Variants in SHC4 observed in about 807,000 individuals in gnomAD.
SHC4 encodes SHC adaptor protein 4, also known as SHC-transforming protein 4.
In SHC4, 41 loss-of-function variants were observed where a neutral mutation model predicts 69.4. The observed-to-expected ratio is 0.59, with a 90% CI of 0.46 to 0.77. SHC4 has a LOEUF of 0.77. Among genes scored for constraint, SHC4 ranks in the 30% least tolerant of loss-of-function variants. The probability of loss-of-function intolerance (pLI) is 0.00; values close to 1 mark genes in which losing one functional copy is unlikely to be tolerated. For missense variants in SHC4, 777 were observed against 783.8 expected, an observed-to-expected ratio of 0.99 and a Z score of 0.10; for synonymous variants, 318 against 299.3, an observed-to-expected ratio of 1.06 and a Z score of -0.64.
intron 2 of SHC4, among the ~76,000 whole-genome samples, chr15:48,901,967 C>T (rs934506920): frequency 1.3e-5 from 2 of 151,956 alleles, no homozygotes; most frequent in South Asian, 2.1e-4. Context: ...TTTGGGAGGC[C>T]GAGACAGGCA....
Position 48,857,816 on chromosome 15 carries a change from C to G in SHC4, c.947-1G>C. On this transcript the variant is annotated splice_acceptor_variant, in intron 6 of 11. Transcript: ENST00000332408. LOFTEE classifies it high-confidence loss of function. ...TTGTGGCATTCCAATATGTGACAGG[C>G]TGCAAGAGGACATACAAAAAATAAT... 2.0e-6 allele frequency: 3 copies of G among 1,514,240 alleles called. No homozygotes were observed. Among genetic ancestry groups the G allele is most frequent in the Non-Finnish European group, 2.6e-6 (3 of 1,132,484 alleles). The allele number at this position is 1,514,240 out of a possible 1,614,324, so 93.8% of individuals were successfully genotyped here.
intron 11 of SHC4, among the ~76,000 whole-genome samples, chr15:48,827,818 G>A (rs1344155898): frequency 6.6e-6 from 1 of 152,104 alleles, no homozygotes; most frequent in African/African-American, 2.4e-5. Context: ...CTGGTTTTAT[G>A]ACTTATTTGA....
rs369043971 is a variant in SHC4 at position 48,893,691 on chromosome 15, T to C, written c.657-2880A>G. Among the ~76,000 whole-genome samples the C allele has an allele frequency of 2.1e-4, 32 of 152,346 alleles. 1 individual carries two copies. In the South Asian group the frequency reaches 6.4e-3, roughly 31 times the overall value. ...ACTCATATTAAATTAGGAAAAAAGATACAAAACCCAGTGTTGGAAAAGATG... is the reference window on the plus strand; with the variant it reads ...ACTCATATTAAATTAGGAAAAAAGACACAAAACCCAGTGTTGGAAAAGATG... On this transcript the variant is annotated intron_variant, in intron 2 of 11. Transcript: ENST00000332408.
intron 8 of SHC4, among the ~76,000 whole-genome samples, chr15:48,851,706 C>T (rs138820913): frequency 2.0e-5 from 3 of 152,296 alleles, no homozygotes; most frequent in South Asian, 2.1e-4. Flanking sequence ...CAAAGAACTT[C>T]GATCATCCCT....
At chr15:48,925,252 G>T (rs1900831381) in intron 1 of SHC4, among the ~76,000 whole-genome samples, 1 of 152,148 alleles carries the variant, frequency 6.6e-6, no homozygotes, top group African/African-American at 2.4e-5. Context: ...TTGCATCCTG[G>T]CTCTGCTACT....
In SHC4 at chr15:48,824,573, G is replaced by C. The variant is rs1898651238; in HGVS notation, c.*1398C>G. ...TTGGAGTCTAAACTATGTGAATGTTGATCTCAGGTGTGCCATTCATTCTGT... is the reference window on the plus strand; with the variant it reads ...TTGGAGTCTAAACTATGTGAATGTTCATCTCAGGTGTGCCATTCATTCTGT... On this transcript the variant is annotated 3_prime_UTR_variant, in exon 12 of 12. Coordinates refer to ENST00000332408, the MANE Select transcript of SHC4 (RefSeq NM_203349.4). The C allele has an allele frequency of 6.6e-6, 1 of 152,148 alleles. No homozygotes were observed. Among genetic ancestry groups the C allele is most frequent in the South Asian group, 2.1e-4 (1 of 4,830 alleles). 9.4% of individuals were successfully genotyped at this position (152,148 alleles called of 1,614,324 possible). A position where few individuals can be genotyped will look rare whatever the true frequency, so the allele number is the denominator to read the frequency against.
intron 1 of SHC4, among the ~76,000 whole-genome samples, chr15:48,943,783 C>A (rs1901220845): frequency 1.3e-5 from 2 of 152,140 alleles, no homozygotes; most frequent in South Asian, 4.2e-4. Flanking sequence ...TTGATAATAG[C>A]CCTCTTAACA....
chr15:48,946,932 C>T lies in SHC4; in HGVS notation c.585+15499G>A, dbSNP rs553461233. Among the ~76,000 whole-genome samples the T allele has an allele frequency of 8.9e-4, 136 of 152,250 alleles. 1 individual carries two copies. Among genetic ancestry groups the T allele is most frequent in the South Asian group, 3.5e-3 (17 of 4,828 alleles). ...TGCATTTGAAAAGGTTGAGAAGAGA[C>T]ACTTGACATAACTTAGACAGGTCCT... On this transcript the variant is annotated intron_variant, in intron 1 of 11. Transcript: ENST00000332408.
intron 1 of SHC4, among the ~76,000 whole-genome samples, chr15:48,957,139 G>A (rs186459743): frequency 2.6e-5 from 4 of 151,806 alleles, no homozygotes; most frequent in East Asian, 3.9e-4. Context: ...AAACATGCCC[G>A]GCTAATTTGT....
chr15:48,877,930 A>G, intron 4 of SHC4: 2 of 455,264 alleles, frequency 4.4e-6, no homozygotes, highest in Non-Finnish European at 7.8e-6. Flanking sequence ...ACGCTCTTGC[A>G]TGCAGGGTCC....
intron 1 of SHC4, among the ~76,000 whole-genome samples, chr15:48,926,541 C>A (rs2057229139): frequency 1.3e-5 from 2 of 151,922 alleles, no homozygotes; most frequent in African/African-American, 4.8e-5. Context: ...TGGCTCACTG[C>A]AACCGCTGCC....
chr15:48,931,445 A>G (rs1328107690), intron 1 of SHC4, among the ~76,000 whole-genome samples: 1 of 152,124 alleles, frequency 6.6e-6, no homozygotes, highest in Non-Finnish European at 1.5e-5. Context: ...CTCTACTTAC[A>G]TTTCTGATCT....
At chr15:48,940,008 A>T (rs1038446196) in intron 1 of SHC4, among the ~76,000 whole-genome samples, 7 of 152,212 alleles carry the variant, frequency 4.6e-5, no homozygotes, top group African/African-American at 1.7e-4. Flanking sequence ...GCAACCCATC[A>T]TGGGGCAGCG....
At position 48,826,059 on chromosome 15, in the gene SHC4, A is replaced by G; in HGVS notation, c.1805T>C (p.Leu602Ser). 1 of 1,614,006 alleles carries G rather than the reference A, an allele frequency of 6.2e-7. No homozygotes were observed. The highest frequency in any genetic ancestry group is 8.5e-7 in the Non-Finnish European group (1 of 1,179,960). The part of the protein sequence containing the change: ...HLIRYHMDNS[L>S]PIISSGSEVS... ...TTCGCTTCCAGAGGAGATGATTGGC[A>G]AACTGTTATCCATATGGTATCTGAT... Residue 602 changes from leucine to serine, a missense_variant, in exon 12 of 12, where the codon TTG (leucine) becomes TCG (serine). Coordinates refer to ENST00000332408, the MANE Select transcript of SHC4 (RefSeq NM_203349.4).
chr15:48,828,093 ATGTGTGTG>A (rs35818835), intron 11 of SHC4, among the ~76,000 whole-genome samples: 1 of 148,640 alleles, frequency 6.7e-6, no homozygotes, highest in African/African-American at 2.5e-5. Flanking sequence ...ATATGTATGT[ATGTGTGTG>A]TGTGTGTGTG....
At chr15:48,840,497 T>A (rs1276836682) in intron 10 of SHC4, among the ~76,000 whole-genome samples, 1 of 152,118 alleles carries the variant, frequency 6.6e-6, no homozygotes, top group Non-Finnish European at 1.5e-5. Context: ...AAAAGCTTTT[T>A]TTTTCTGGCT....
intron 8 of SHC4, among the ~76,000 whole-genome samples, chr15:48,852,810 G>A (rs907460049): frequency 6.6e-6 from 1 of 151,912 alleles, no homozygotes; most frequent in East Asian, 1.9e-4. Context: ...CCTGAGGCAG[G>A]AGAATCGCTT....
At chr15:48,859,101 G>GA (rs1033317057) in intron 6 of SHC4, among the ~76,000 whole-genome samples, 4 of 152,070 alleles carry the variant, frequency 2.6e-5, no homozygotes, top group Admixed American at 2.0e-4. Context: ...CATTGTCTTG[G>GA]AAAAAATTCA....
chr15:48,850,470 T>C (rs1245430943), intron 9 of SHC4, among the ~76,000 whole-genome samples: 3 of 152,198 alleles, frequency 2.0e-5, no homozygotes, highest in Non-Finnish European at 4.4e-5. Flanking sequence ...AGTCCTTAAA[T>C]ATGGTTATCC....
Sources: gnomAD v4.1 joint callset for allele counts (sites outside exome capture counted in the v4.1 genomes callset) on GRCh38, gnomAD v4.1.1 for gene constraint, MANE v1.5 for transcripts, NCBI Gene and HGNC (gene_info 2026-07-23, HGNC 2026-07-21) for gene names.